SLC20A2: variants seen among roughly 807,000 people sequenced by gnomAD.
SLC20A2 encodes solute carrier family 20 member 2, also known as sodium-dependent phosphate transporter 2.
A neutral mutation model predicts 61.0 loss-of-function variants in SLC20A2; 30 were observed. The observed-to-expected ratio is 0.49, with a 90% CI of 0.37 to 0.67. SLC20A2 has a LOEUF of 0.67. Among genes scored for constraint, SLC20A2 ranks in the 30% least tolerant of loss-of-function variants. SLC20A2 has a pLI of 0.00. For missense variants in SLC20A2, 626 were observed against 866.4 expected, an observed-to-expected ratio of 0.72 and a Z score of 3.48; for synonymous variants, 351 against 353.3, an observed-to-expected ratio of 0.99 and a Z score of 0.07.
intron 8 of SLC20A2, among the ~76,000 whole-genome samples, chr8:42,430,504 A>G (rs1038762956): frequency 6.6e-6 from 1 of 152,012 alleles, no homozygotes; most frequent in Non-Finnish European, 1.5e-5. Context: ...TTGAGACTAC[A>G]GCCGCGGGCC....
chr8:42,458,135 A>G (rs1806356990), intron 5 of SLC20A2, among the ~76,000 whole-genome samples: 1 of 152,322 alleles, frequency 6.6e-6, no homozygotes. Flanking sequence ...AACCAGCACA[A>G]ACTAACACAT....
At chr8:42,512,076 G>A (rs1297734119) in intron 1 of SLC20A2, among the ~76,000 whole-genome samples, 1 of 152,164 alleles carries the variant, frequency 6.6e-6, no homozygotes, top group Non-Finnish European at 1.5e-5. Context: ...ATTGTAGACT[G>A]CGAAATAAAA....
intron 8 of SLC20A2, among the ~76,000 whole-genome samples, chr8:42,432,824 T>C (rs1171669754): frequency 6.6e-6 from 1 of 152,222 alleles, no homozygotes; most frequent in East Asian, 1.9e-4. Flanking sequence ...AATTAAGGTA[T>C]GTACATTGTT....
chr8:42,450,193 AT>A (rs1805529490), intron 5 of SLC20A2, among the ~76,000 whole-genome samples: 1 of 150,840 alleles, frequency 6.6e-6, no homozygotes, highest in African/African-American at 2.4e-5. Context: ...ATATATATAT[AT>A]TTTTTGCACA....
intron 1 of SLC20A2, among the ~76,000 whole-genome samples, chr8:42,474,259 C>T (rs924462975): frequency 1.3e-5 from 2 of 152,094 alleles, no homozygotes; most frequent in African/African-American, 4.8e-5. Context: ...AGGTTAGAGA[C>T]AATTTTTTCC....
upstream of SLC20A2, among the ~76,000 whole-genome samples, chr8:42,504,586 G>A (rs1810520388): frequency 6.6e-6 from 1 of 152,004 alleles, no homozygotes; most frequent in African/African-American, 2.4e-5. Flanking sequence ...GCTCACGCCT[G>A]TAATCCCAGC....
At chr8:42,434,920 G>A (rs1253767325) in intron 8 of SLC20A2, among the ~76,000 whole-genome samples, 4 of 152,174 alleles carry the variant, frequency 2.6e-5, no homozygotes, top group Non-Finnish European at 2.9e-5. Flanking sequence ...GTGAGTGTGT[G>A]TGCGTGTGTG....
At chr8:42,465,684 C>T (rs909076233) in intron 3 of SLC20A2, 93 bp downstream of exon 3, 54 of 1,242,574 alleles carry the variant, frequency 4.3e-5, no homozygotes, top group Middle Eastern at 4.0e-4. Context: ...AGTGACACTC[C>T]GGGTCAAAAA....
At chr8:42,445,708 C>T (rs1008628772) in intron 5 of SLC20A2, among the ~76,000 whole-genome samples, 1 of 151,350 alleles carries the variant, frequency 6.6e-6, no homozygotes, top group African/African-American at 2.4e-5. Flanking sequence ...GTCTGGGCAA[C>T]AAGAGTAAAA....
intron 10 of SLC20A2, 49 bp from the exon 11 acceptor site, chr8:42,418,016 A>G (rs1274760896): frequency 2.0e-6 from 3 of 1,525,804 alleles, no homozygotes; most frequent in Non-Finnish European, 2.7e-6. Context: ...CACAAAGGCT[A>G]CACTCTACCA....
chr8:42,498,669 G>A (rs550210475), intron 1 of SLC20A2, among the ~76,000 whole-genome samples: 10 of 152,182 alleles, frequency 6.6e-5, no homozygotes, highest in Non-Finnish European at 1.3e-4. Context: ...TTTTTAAGAC[G>A]GACGGAAGCT....
intron 1 of SLC20A2, among the ~76,000 whole-genome samples, chr8:42,508,167 A>AAAAG (rs913649084): frequency 2.6e-5 from 4 of 151,748 alleles, no homozygotes; most frequent in Non-Finnish European, 4.4e-5. Flanking sequence ...CTGTCTCAAA[A>AAAAG]AAAGAAAGAA....
chr8:42,460,095 C>G, intron 4 of SLC20A2, 103 bp from the exon 5 acceptor site: 1 of 680,824 alleles, frequency 1.5e-6, no homozygotes, highest in Non-Finnish European at 2.6e-6. Flanking sequence ...AAACTCTTCC[C>G]AAACCCCAGT....
chr8:42,500,107 G>A (rs1253453664), intron 1 of SLC20A2, among the ~76,000 whole-genome samples: 2 of 152,186 alleles, frequency 1.3e-5, no homozygotes, highest in African/African-American at 4.8e-5. Flanking sequence ...AGAGATGACA[G>A]GCATAGATAG....
At chr8:42,439,917 T>C (rs573334996) in intron 6 of SLC20A2, among the ~76,000 whole-genome samples, 46 of 152,048 alleles carry the variant, frequency 3.0e-4, no homozygotes, top group Middle Eastern at 3.4e-3. Context: ...AAACCCCGTC[T>C]CTACTAAAAA....
chr8:42,420,509 G>A (rs1479511785), intron 10 of SLC20A2, among the ~76,000 whole-genome samples: 1 of 152,008 alleles, frequency 6.6e-6, no homozygotes, highest in Non-Finnish European at 1.5e-5. Context: ...TAAGCCATCA[G>A]ATTTATGTTC....
chr8:42,476,936 A>T (rs892461425), intron 1 of SLC20A2, among the ~76,000 whole-genome samples: 1 of 152,204 alleles, frequency 6.6e-6, no homozygotes, highest in Non-Finnish European at 1.5e-5. Context: ...TCAATGACTC[A>T]CCTGAACCGT....
At chr8:42,477,691 T>G (rs1808232821) in intron 1 of SLC20A2, among the ~76,000 whole-genome samples, 1 of 151,816 alleles carries the variant, frequency 6.6e-6, no homozygotes, top group Non-Finnish European at 1.5e-5. Context: ...CAGGCTGGTC[T>G]TGAACTCCTG....
chr8:42,471,431 T>C (rs1427655561), intron 2 of SLC20A2, among the ~76,000 whole-genome samples: 2 of 152,182 alleles, frequency 1.3e-5, no homozygotes, highest in Admixed American at 6.5e-5. Flanking sequence ...TAAAAGGTCA[T>C]GCTATCACCA....
Sources: gnomAD v4.1 joint callset for allele counts (sites outside exome capture counted in the v4.1 genomes callset) on GRCh38, gnomAD v4.1.1 for gene constraint, MANE v1.5 for transcripts, NCBI Gene and HGNC (gene_info 2026-07-23, HGNC 2026-07-21) for gene names.